The following NLRP5 variants were observed in gnomAD, a reference collection of about 807,000 sequenced individuals.
NLRP5 encodes NLR family pyrin domain containing 5, also known as NACHT, LRR and PYD domains-containing protein 5.
In NLRP5, 93 loss-of-function variants were observed where a neutral mutation model predicts 113.1. That is an observed-to-expected ratio of 0.82 (90% confidence interval 0.70 to 0.98). The LOEUF (loss-of-function observed/expected upper bound fraction) is 0.98, where lower values mean the gene tolerates loss of function less well. NLRP5 is among the 50% of genes least tolerant of loss of function. The probability of loss-of-function intolerance (pLI) is 0.00; values close to 1 mark genes in which losing one functional copy is unlikely to be tolerated. For missense variants in NLRP5, 1,808 were observed against 1,514.3 expected, an observed-to-expected ratio of 1.19 and a Z score of -3.22; for synonymous variants, 751 against 600.7, an observed-to-expected ratio of 1.25 and a Z score of -3.66.
chr19:56,030,242 T>A (rs1599895046), intron 7 of NLRP5, among the ~76,000 whole-genome samples: 1 of 150,842 alleles, frequency 6.6e-6, no homozygotes, highest in African/African-American at 2.4e-5. Flanking sequence ...TGGTGGTGGG[T>A]GCCTTTAATC....
chr19:56,023,566 G>C (rs533916093), intron 6 of NLRP5, among the ~76,000 whole-genome samples: 1 of 152,108 alleles, frequency 6.6e-6, no homozygotes, highest in African/African-American at 2.4e-5. Flanking sequence ...TGTAGACATC[G>C]TGTTAGATAT....
intron 1 of NLRP5, among the ~76,000 whole-genome samples, chr19:56,001,910 AGG>A (rs1252128811): frequency 6.6e-6 from 1 of 151,562 alleles, no homozygotes; most frequent in East Asian, 2.0e-4. Context: ...GTGGGGGGAA[AGG>A]AGATTTGCTC....
chr19:56,031,646 A>AAT (rs58587658), intron 7 of NLRP5, among the ~76,000 whole-genome samples: 11 of 148,246 alleles, frequency 7.4e-5, no homozygotes, highest in African/African-American at 2.5e-4. Flanking sequence ...AAAAAAAAAA[A>AAT]TGTAGACTCA....
chr19:56,018,106 G>A (rs867355097), intron 4 of NLRP5, among the ~76,000 whole-genome samples: 11 of 152,142 alleles, frequency 7.2e-5, no homozygotes, highest in Admixed American at 2.0e-4. Flanking sequence ...TTTCATTTGC[G>A]TCCCAAACGC....
intron 6 of NLRP5, among the ~76,000 whole-genome samples, chr19:56,021,359 T>G (rs182622421): frequency 2.6e-5 from 4 of 152,338 alleles, no homozygotes; most frequent in Admixed American, 1.3e-4. Context: ...ACCATAAAGT[T>G]GACCCTCCTG....
chr19:56,027,657 C>T lies in NLRP5; in HGVS notation c.1424C>T (p.Ser475Phe), dbSNP rs1982919824. 6 of 1,613,512 alleles carry T rather than the reference C, an allele frequency of 3.7e-6. No homozygotes were observed. Among genetic ancestry groups the T allele is most frequent in the Admixed American group, 1.7e-5 (1 of 60,020 alleles). ...CAGTGCCAGGTGCCCGCCGTGGGCT[C>T]TCTCATCTGCGTGGCCCTGCAGCTG... The change falls in exon 7 of 15, where the codon TCT (serine) becomes TTT (phenylalanine). Residue 475 changes from serine to phenylalanine, a missense_variant. Physicochemically the swap from Ser to Phe is radical, Grantham distance 155. Transcript: ENST00000390649.
chr19:56,019,697 A>C (rs1452503043), intron 5 of NLRP5, among the ~76,000 whole-genome samples: 3 of 152,158 alleles, frequency 2.0e-5, no homozygotes, highest in African/African-American at 7.2e-5. Context: ...TATGGCCAAG[A>C]GTAGTCAAAT....
chr19:56,037,181 G>A (rs1983348169), intron 9 of NLRP5, among the ~76,000 whole-genome samples: 1 of 152,132 alleles, frequency 6.6e-6, no homozygotes, highest in Non-Finnish European at 1.5e-5. Flanking sequence ...GGATGTGCTG[G>A]CTCGTGGGGT....
At chr19:56,015,705 T>C (rs1371512002) in intron 3 of NLRP5, 37 bp from the exon 4 acceptor site, 1 of 1,491,088 alleles carries the variant, frequency 6.7e-7, no homozygotes, top group Non-Finnish European at 9.1e-7. Flanking sequence ...ATATACACAG[T>C]ATGTTTGTGT....
chr19:55,998,672 G>GTGTGTGTGTGTATA (rs1474569739), upstream of NLRP5, among the ~76,000 whole-genome samples: 4 of 105,968 alleles, frequency 3.8e-5, no homozygotes, highest in African/African-American at 1.1e-4. Flanking sequence ...GTGTGTGTGT[G>GTGTGTGTGTGTATA]TATATATATA....
chr19:56,039,786 C>T (rs973304910), intron 10 of NLRP5, among the ~76,000 whole-genome samples: 9 of 152,032 alleles, frequency 5.9e-5, no homozygotes, highest in Admixed American at 1.3e-4. Flanking sequence ...TGGTGGCAGG[C>T]GCCTGCAATC....
chr19:56,012,540 A>G (rs1982236676), intron 3 of NLRP5, among the ~76,000 whole-genome samples: 1 of 146,696 alleles, frequency 6.8e-6, no homozygotes, highest in African/African-American at 2.5e-5. Flanking sequence ...ACATGAACCT[A>G]TTACCATAAT....
chr19:56,011,166 T>TATATATACAC lies in NLRP5; in HGVS notation c.508+2314_508+2315insTATATACACA, dbSNP rs112102134. On this transcript the variant is annotated intron_variant, in intron 3 of 14. Coordinates refer to ENST00000390649, the MANE Select transcript of NLRP5 (RefSeq NM_153447.4). ...AGACTATGTCTTTAAAAAATATATA[T>TATATATACAC]ACACACATACATTAATGTATGCTAC... Among the ~76,000 whole-genome samples the TATATATACAC allele has an allele frequency of 9.6e-3, 1,449 of 150,826 alleles. 11 individuals carry two copies. Among genetic ancestry groups the TATATATACAC allele is most frequent in the Non-Finnish European group, 0.014 (933 of 67,756 alleles).
At chr19:56,013,016 T>G in intron 3 of NLRP5, among the ~76,000 whole-genome samples, 1 of 152,194 alleles carries the variant, frequency 6.6e-6, no homozygotes, top group Non-Finnish European at 1.5e-5. Context: ...TCAGGAAATT[T>G]TCATCACCCC....
At chr19:56,060,941 G>C (rs904157905) in intron 14 of NLRP5, among the ~76,000 whole-genome samples, 3 of 152,172 alleles carry the variant, frequency 2.0e-5, no homozygotes, top group Admixed American at 1.3e-4. Flanking sequence ...ATTAGAAAAG[G>C]TTCAGGGAGT....
At chr19:56,047,085 TGTA>T (rs1201658414) in intron 11 of NLRP5, among the ~76,000 whole-genome samples, 2 of 152,228 alleles carry the variant, frequency 1.3e-5, no homozygotes, top group East Asian at 1.9e-4. Context: ...TGATGTCAGT[TGTA>T]GTATCTCCTG....
chr19:56,060,323 T>C (rs956973055), intron 14 of NLRP5, among the ~76,000 whole-genome samples: 7 of 152,164 alleles, frequency 4.6e-5, no homozygotes, highest in Non-Finnish European at 4.4e-5. Context: ...ACTATAAGCT[T>C]GGTAAGGGTG....
Position 56,030,767 on chromosome 19 carries a change from T to C in NLRP5, c.2277-1844T>C, listed in dbSNP as rs528811139. Among the ~76,000 whole-genome samples the C allele has an allele frequency of 6.4e-5, 8 of 124,874 alleles. No homozygotes were observed. The East Asian group carries it at 1.5e-3, about 23-fold the overall frequency. 81.9% of individuals were successfully genotyped at this position (124,874 alleles called of 152,430 possible). On this transcript the variant is annotated intron_variant, in intron 7 of 14. Coordinates refer to ENST00000390649, the MANE Select transcript of NLRP5 (RefSeq NM_153447.4). ...TCTTGCTCGGTCACCCAGGCTGGAG[T>C]GCAGTGGTGCGATCTCAGCTCACTG...
rs778578679 is a variant in NLRP5, at chr19:56,028,419, A to G, written c.2186A>G (p.His729Arg). 4.3e-6 allele frequency: 7 copies of G among 1,613,808 alleles called. No individual in the cohort carries two copies. Among genetic ancestry groups the G allele is most frequent in the African/African-American group, 1.3e-5 (1 of 74,936 alleles). Residue 729 changes from histidine (H) to arginine (R), a missense_variant, in exon 7 of 15, where the codon CAC (histidine) becomes CGC (arginine). By Grantham distance (29) the His-to-Arg change is conservative (BLOSUM62 0). Transcript: ENST00000390649. ...ATAGCATCTTCCTTCTGCCTCCAGC[A>G]CTGTCCGTATTTGCGGAAAATTCGG...
Sources: allele counts gnomAD v4.1 joint callset (sites outside exome capture counted in the v4.1 genomes callset), GRCh38; gene constraint gnomAD v4.1.1; transcripts MANE v1.5; gene names NCBI Gene and HGNC (gene_info 2026-07-23, HGNC 2026-07-21).